Variants in CACNA1A observed in about 807,000 individuals in gnomAD.
CACNA1A encodes the protein calcium voltage-gated channel subunit alpha1 A.
In CACNA1A, 57 loss-of-function variants were observed where a neutral mutation model predicts 262.4. The observed-to-expected ratio is 0.22, with a 90% CI of 0.18 to 0.27. CACNA1A has a LOEUF of 0.27. Ranked by LOEUF, CACNA1A falls within the 10% of genes least tolerant of loss-of-function variation. The pLI is 1.00. For synonymous variants in CACNA1A, 1,431 were observed against 1,419.3 expected (o/e 1.01, Z -0.18); for missense variants, 2,526 against 3,562.8 (o/e 0.71, Z 7.41).
intron 19 of CACNA1A, among the ~76,000 whole-genome samples, chr19:13,294,370 T>A (rs1172359755): frequency 6.6e-6 from 1 of 152,032 alleles, no homozygotes; most frequent in Non-Finnish European, 1.5e-5. Context: ...GGGTATTTAG[T>A]ATACTGGCCT....
chr19:13,488,062 G>C (rs142840563), intron 1 of CACNA1A, among the ~76,000 whole-genome samples: 1 of 152,240 alleles, frequency 6.6e-6, no homozygotes, highest in Non-Finnish European at 1.5e-5. Context: ...TTATAGGTGT[G>C]AGCCACTGCA....
chr19:13,232,842 A>G (rs2055720011), intron 34 of CACNA1A, among the ~76,000 whole-genome samples: 1 of 151,388 alleles, frequency 6.6e-6, no homozygotes, highest in African/African-American at 2.4e-5. Context: ...TGAGGTCAGG[A>G]GTTTGAGAAC....
intron 44 of CACNA1A, 61 bp downstream of exon 44, chr19:13,210,553 AGGG>A: frequency 8.7e-7 from 1 of 1,145,104 alleles, no homozygotes; most frequent in East Asian, 4.1e-5. Flanking sequence ...GACTCCCTGG[AGGG>A]GGGGTGGGGA....
chr19:13,389,807 A>AT (rs1555778911), intron 3 of CACNA1A, among the ~76,000 whole-genome samples: 5 of 151,344 alleles, frequency 3.3e-5, no homozygotes, highest in African/African-American at 9.7e-5. Flanking sequence ...TTACTTTATT[A>AT]TTATTTATTT....
At chr19:13,382,410 C>T (rs987807010) in intron 3 of CACNA1A, among the ~76,000 whole-genome samples, 1 of 152,150 alleles carries the variant, frequency 6.6e-6, no homozygotes, top group Admixed American at 6.6e-5. Flanking sequence ...AGATGCATTA[C>T]CTCACAGCCT....
At chr19:13,217,031 G>A (rs1013176602) in intron 38 of CACNA1A, among the ~76,000 whole-genome samples, 1 of 152,178 alleles carries the variant, frequency 6.6e-6, no homozygotes, top group Non-Finnish European at 1.5e-5. Flanking sequence ...TACTCGGGAG[G>A]CTGAGGCATG....
chr19:13,286,612 G>A lies in CACNA1A; in HGVS notation c.3444C>T (p.Asn1148=), dbSNP rs1303790392. Residue 1148 remains asparagine (N), a synonymous_variant, in exon 20 of 47, where the codon AAC becomes AAT. Transcript: ENST00000360228. ...CTGAATTGGTCTGGGTGCCGCTGGG[G>A]TTGGTGACGATAAGGCTATTCTCGG... is the stretch of plus-strand genomic sequence containing the variant. ...KTPENSLIVT[N]PSGTQTNSAK... 1 of 1,540,534 alleles carries A rather than the reference G, an allele frequency of 6.5e-7. No homozygotes were observed. The highest frequency in any genetic ancestry group is 1.4e-5 in the African/African-American group (1 of 71,980).
intron 6 of CACNA1A, among the ~76,000 whole-genome samples, chr19:13,353,890 A>G (rs184051683): frequency 1.9e-3 from 292 of 152,254 alleles, no homozygotes; most frequent in African/African-American, 6.8e-3. Context: ...GGAACCACCC[A>G]TCACTTGTTC....
At chr19:13,209,595 C>T (rs901182030) in intron 44 of CACNA1A, 97 bp from the exon 45 acceptor site, 14 of 904,824 alleles carry the variant, frequency 1.5e-5, no homozygotes, top group African/African-American at 7.0e-5. Flanking sequence ...TGGTGGCCTT[C>T]GGTGACTGCG....
At chr19:13,441,405 A>G (rs911326362) in intron 3 of CACNA1A, among the ~76,000 whole-genome samples, 2 of 152,042 alleles carry the variant, frequency 1.3e-5, no homozygotes, top group Non-Finnish European at 2.9e-5. Flanking sequence ...GGTGGCTCAC[A>G]GCTGCAATCC....
At chr19:13,391,545 G>A (rs2059709738) in intron 3 of CACNA1A, among the ~76,000 whole-genome samples, 1 of 152,136 alleles carries the variant, frequency 6.6e-6, no homozygotes, top group African/African-American at 2.4e-5. Flanking sequence ...AAGGTGGTGA[G>A]GTAAGTGATT....
intron 3 of CACNA1A, among the ~76,000 whole-genome samples, chr19:13,378,027 A>G (rs2059448133): frequency 6.6e-6 from 1 of 152,226 alleles, no homozygotes; most frequent in South Asian, 2.1e-4. Context: ...ATTCGTGGGA[A>G]CAGGTCAAAA....
intron 16 of CACNA1A, 65 bp downstream of exon 16, chr19:13,303,702 C>G: frequency 1.9e-6 from 3 of 1,550,322 alleles, no homozygotes; most frequent in Non-Finnish European, 2.7e-6. Context: ...CTCCCTTGAG[C>G]CCCTGCAACC....
intron 3 of CACNA1A, among the ~76,000 whole-genome samples, chr19:13,437,080 G>A (rs1289501692): frequency 6.6e-6 from 1 of 152,198 alleles, no homozygotes; most frequent in Non-Finnish European, 1.5e-5. Context: ...TCAGACACAG[G>A]CACACAGCAT....
At chr19:13,373,971 G>A (rs2059365187) in intron 3 of CACNA1A, among the ~76,000 whole-genome samples, 1 of 152,176 alleles carries the variant, frequency 6.6e-6, no homozygotes, top group Non-Finnish European at 1.5e-5. Flanking sequence ...TGGCTTTGAG[G>A]GGCACACAGC....
chr19:13,376,651 C>G (rs1282374877), intron 3 of CACNA1A, among the ~76,000 whole-genome samples: 1 of 145,428 alleles, frequency 6.9e-6, no homozygotes, highest in Non-Finnish European at 1.5e-5. Flanking sequence ...ATATGATACA[C>G]TACACATAAT....
At chr19:13,459,317 C>T (rs2061072552) in intron 1 of CACNA1A, among the ~76,000 whole-genome samples, 2 of 152,126 alleles carry the variant, frequency 1.3e-5, no homozygotes, top group Non-Finnish European at 2.9e-5. Context: ...ACCTGCTTTC[C>T]AGGTGGGAAA....
At chr19:13,418,335 T>C (rs2060260413) in intron 3 of CACNA1A, among the ~76,000 whole-genome samples, 1 of 152,076 alleles carries the variant, frequency 6.6e-6, no homozygotes, top group Non-Finnish European at 1.5e-5. Flanking sequence ...TGTGTGTACG[T>C]GGGAGGCAGT....
intron 1 of CACNA1A, among the ~76,000 whole-genome samples, chr19:13,503,922 G>C (rs904380489): frequency 6.6e-6 from 1 of 151,914 alleles, no homozygotes; most frequent in Non-Finnish European, 1.5e-5. Flanking sequence ...TCCCCCTTCC[G>C]AGGGGCCACT....
Sources: gnomAD v4.1 joint callset for allele counts (sites outside exome capture counted in the v4.1 genomes callset) on GRCh38, gnomAD v4.1.1 for gene constraint, MANE v1.5 for transcripts, NCBI Gene and HGNC (gene_info 2026-07-23, HGNC 2026-07-21) for gene names.